Variants in SIGIRR observed in about 807,000 individuals in gnomAD.
The protein encoded by SIGIRR is single Ig and TIR domain containing, also known as single Ig IL-1-related receptor.
A neutral mutation model predicts 45.6 loss-of-function variants in SIGIRR; 41 were observed. The observed-to-expected ratio is 0.90, with a 90% CI of 0.70 to 1.17. SIGIRR has a LOEUF of 1.17. Among genes scored for constraint, SIGIRR ranks in the 50% most tolerant of loss-of-function variants. The pLI is 0.00. For missense variants in SIGIRR, 599 were observed against 539.6 expected, an observed-to-expected ratio of 1.11 and a Z score of -1.09; for synonymous variants, 298 against 239.0, an observed-to-expected ratio of 1.25 and a Z score of -2.28.
At position 407,551 on chromosome 11, in the gene SIGIRR, C is replaced by T; in HGVS notation, c.499G>A (p.Ala167Thr). 1 of 1,608,316 alleles carries T rather than the reference C, an allele frequency of 6.2e-7. No homozygotes were observed. The highest frequency in any genetic ancestry group is 8.5e-7 in the Non-Finnish European group (1 of 1,177,534). Residue 167 changes from alanine (A) to threonine (T), a missense_variant, in exon 6 of 10, where the codon GCC (alanine) becomes ACC (threonine). Coordinates refer to ENST00000431843, the MANE Select transcript of SIGIRR (RefSeq NM_001135054.2). ...GGGCAGTCGCTGTAGGAGACGTAGG[C>T]GTCGTAGAGCTTCCCGTCTGCGGAC... ...VEINDGKLYDAYVSYSDCPED... is the reference protein window; with the variant it reads ...VEINDGKLYDTYVSYSDCPED...
At position 406,721 on chromosome 11, in the gene SIGIRR, A is replaced by C. The variant is rs1018194820; in HGVS notation, c.879+122T>G. 11 of 1,413,502 alleles carry C rather than the reference A, an allele frequency of 7.8e-6. No individual in the cohort carries two copies. The Admixed American group carries it at 2.5e-4, about 33-fold the overall frequency. 87.6% of individuals were successfully genotyped at this position (1,413,502 alleles called of 1,614,324 possible). On this transcript the variant is annotated intron_variant, in intron 8 of 9. Transcript: ENST00000431843. ...GCCCCAGGCAGCGGAACCTCCCCCC[A>C]GGGCCCATTCACAAAGCGTGGTGCC...
intron 1 of SIGIRR, among the ~76,000 whole-genome samples, chr11:413,806 CCCCACCTTCCCCTG>C (rs1847784667): frequency 1.6e-5 from 2 of 125,618 alleles, no homozygotes; most frequent in Non-Finnish European, 3.4e-5. Flanking sequence ...GCTCTCCACT[CCCCACCTTCCCCTG>C]CCCACCTTCC....
intron 5 of SIGIRR, 65 bp downstream of exon 5, chr11:407,752 C>T (rs1441241184): frequency 6.9e-6 from 11 of 1,604,188 alleles, no homozygotes; most frequent in Non-Finnish European, 9.4e-6. Context: ...CAAAGCCGAG[C>T]TCAGCAGCGC....
rs758448506 is a variant in SIGIRR at position 406,402 on chromosome 11, G to C, written c.1016C>G (p.Pro339Arg). ...CTCTGAGTCCAGGGCCCGGCCCTCA[G>C]GGACTCGGCCTCGAAGAATCAGCAT... Reference protein sequence around the residue: ...DPMLILRGRVPEGRALDSEVD... With the variant: ...DPMLILRGRVREGRALDSEVD... The change falls in exon 9 of 10, where the codon CCT becomes CGT. Residue 339 changes from proline (P) to arginine (R), a missense_variant. Coordinates refer to ENST00000431843, the MANE Select transcript of SIGIRR (RefSeq NM_001135054.2). 9 of 1,612,598 alleles carry C rather than the reference G, an allele frequency of 5.6e-6. No individual in the cohort carries two copies. The Admixed American group carries it at 1.0e-4, about 18-fold the overall frequency.
chr11:406,931 T>C lies in SIGIRR; in HGVS notation c.791A>G (p.Gln264Arg), dbSNP rs765755976. ...RRPIFITFEGQRRDPAHPALR... is the reference protein window; with the variant it reads ...RRPIFITFEGRRRDPAHPALR... ...CGCCGGGTGCGCGGGGTCGCGCCTC[T>C]GGCCCTCGAAGGTGATGAAGATGGG... Residue 264 changes from glutamine (Q) to arginine (R), a missense_variant, in exon 8 of 10, where the codon CAG becomes CGG. Gln to Arg is a conservative substitution (Grantham distance 43). Coordinates refer to ENST00000431843, the MANE Select transcript of SIGIRR (RefSeq NM_001135054.2). 1.9e-6 allele frequency: 3 copies of C among 1,600,134 alleles called. No individual in the cohort carries two copies. The highest frequency in any genetic ancestry group is 1.7e-5 in the Admixed American group (1 of 59,308).
rs937989932 is a variant in SIGIRR, at chr11:407,509, C to T, written c.541G>A (p.Val181Met). 46 of 1,606,562 alleles carry T rather than the reference C, an allele frequency of 2.9e-5. No individual in the cohort carries two copies. The highest frequency in any genetic ancestry group is 3.8e-5 in the Non-Finnish European group (45 of 1,177,174). ...AGCTGCGGCTTTAGGATGAAGTTCA[C>T]GAACTTGCGGTCCTCGGGGCAGTCG... is the stretch of plus-strand genomic sequence containing the variant. ...YSDCPEDRKF[V>M]NFILKPQLER... The change falls in exon 6 of 10, where the codon GTG (valine) becomes ATG (methionine). Residue 181 changes from valine (V) to methionine (M), a missense_variant. Val to Met is a conservative substitution (Grantham distance 21). Transcript: ENST00000431843.
At chr11:406,629 G>A (rs1847319475) in intron 8 of SIGIRR, 91 bp from the exon 9 acceptor site, 4 of 1,470,322 alleles carry the variant, frequency 2.7e-6, no homozygotes, top group East Asian at 4.8e-5. Flanking sequence ...GGCTGCCCAC[G>A]GGTTCCACGC....
At position 408,906 on chromosome 11, in the gene SIGIRR, G is replaced by A. The variant is rs371851400; in HGVS notation, c.8-13C>T. The A allele has an allele frequency of 8.1e-6, 13 of 1,611,760 alleles. No homozygotes were observed. The highest frequency in any genetic ancestry group is 5.9e-6 in the Non-Finnish European group (7 of 1,179,758). ...CTATCACAGACACCTGAAGAGAGAGGACACAGTGGGTCAGCTGTGCCAGGG... is the reference window on the plus strand; with the variant it reads ...CTATCACAGACACCTGAAGAGAGAGAACACAGTGGGTCAGCTGTGCCAGGG... On this transcript the variant is annotated splice_polypyrimidine_tract_variant and intron_variant, in intron 2 of 9. Coordinates refer to ENST00000431843, the MANE Select transcript of SIGIRR (RefSeq NM_001135054.2).
At chr11:412,804 G>C (rs903538675) in intron 1 of SIGIRR, among the ~76,000 whole-genome samples, 1 of 152,010 alleles carries the variant, frequency 6.6e-6, no homozygotes, top group African/African-American at 2.4e-5. Context: ...GAAACACCTC[G>C]GGAAACACCT....
intron 4 of SIGIRR, 50 bp from the exon 5 acceptor site, chr11:408,007 C>T: frequency 6.2e-7 from 1 of 1,604,620 alleles, no homozygotes; most frequent in Non-Finnish European, 8.5e-7. Context: ...CCCCAAGCCT[C>T]AAGATCCCTG....
intron 3 of SIGIRR, 74 bp from the exon 4 acceptor site, chr11:408,280 T>G: frequency 6.4e-7 from 1 of 1,563,030 alleles, no homozygotes; most frequent in South Asian, 1.2e-5. Context: ...CTGTCTGGGT[T>G]CACCCAGGGA....
upstream of SIGIRR, among the ~76,000 whole-genome samples, chr11:415,228 G>A (rs986392678): frequency 7.7e-4 from 115 of 149,444 alleles, no homozygotes; most frequent in African/African-American, 2.8e-3. The surrounding 1 kb of genome is among the most constrained non-coding windows in gnomAD (Gnocchi z 6.6). Context: ...GTGTGTGTGT[G>A]TGTGTGTGTG....
chr11:406,474 G>C lies in SIGIRR; in HGVS notation c.944C>G (p.Pro315Arg), dbSNP rs138577475. 4.5e-5 allele frequency: 73 copies of C among 1,612,516 alleles called. No individual in the cohort carries two copies. Among genetic ancestry groups the C allele is most frequent in the South Asian group, 1.5e-4 (14 of 91,038 alleles). ...CTGCGTCTGGGGGTCTCCTTCCACA[G>C]GCCTGTACTGCACCTTCCGCGGCAG... ...LALPRKVQYR[P>R]VEGDPQTQLQ... Residue 315 changes from proline (P) to arginine (R), a missense_variant, in exon 9 of 10, where the codon CCT (proline) becomes CGT (arginine). Pro to Arg is a moderately radical substitution (Grantham distance 103, BLOSUM62 -2). Transcript: ENST00000431843.
At chr11:406,694 G>C (rs952548150) in intron 8 of SIGIRR, 149 bp downstream of exon 8, 3 of 1,412,868 alleles carry the variant, frequency 2.1e-6, no homozygotes, top group Non-Finnish European at 9.3e-7. Flanking sequence ...CCCCGCATCG[G>C]GGCCCCAGGC....
intron 9 of SIGIRR, 108 bp from the exon 10 acceptor site, chr11:406,167 C>G (rs1847285126): frequency 3.9e-6 from 6 of 1,537,734 alleles, no homozygotes; most frequent in Non-Finnish European, 5.2e-6. Flanking sequence ...CCTGTGAGGC[C>G]CAGGAAGTTC....
At chr11:417,080 A>C (rs1438434040), upstream of SIGIRR, among the ~76,000 whole-genome samples, 1 of 152,134 alleles carries the variant, frequency 6.6e-6, no homozygotes, top group Non-Finnish European at 1.5e-5. The surrounding 1 kb of genome is among the most constrained non-coding windows in gnomAD (Gnocchi z 4.2). Context: ...CGTCGGGCAG[A>C]GGAAAGGGTG....
chr11:417,360 G>A (rs969515229), upstream of SIGIRR: 2 of 152,232 alleles, frequency 1.3e-5, no homozygotes, highest in African/African-American at 2.4e-5. This position sits in a 1 kb window ranked among gnomAD's most constrained non-coding sequence, Gnocchi z 4.2. Context: ...CCGGGCGGGG[G>A]CGGGGCAGCT....
At chr11:413,992 T>C (rs1590393244) in intron 1 of SIGIRR, among the ~76,000 whole-genome samples, 1 of 82,448 alleles carries the variant, frequency 1.2e-5, no homozygotes, top group Non-Finnish European at 2.3e-5. Context: ...CCCTGCACCC[T>C]CTCCCCTCCC....
chr11:410,135 C>A, intron 1 of SIGIRR, 108 bp from the exon 2 acceptor site: 1 of 1,010,426 alleles, frequency 9.9e-7, no homozygotes, highest in Middle Eastern at 3.6e-4. Flanking sequence ...TGAGCAGCCG[C>A]ATGGATGCTG....
Sources: allele counts gnomAD v4.1 joint callset (sites outside exome capture counted in the v4.1 genomes callset), GRCh38; gene constraint gnomAD v4.1.1; non-coding constraint Gnocchi (gnomAD v3.1); transcripts MANE v1.5; gene names NCBI Gene and HGNC (gene_info 2026-07-23, HGNC 2026-07-21).